The following GHR variants were observed in gnomAD, a reference collection of about 807,000 sequenced individuals.
The protein encoded by GHR is GH receptor.
Under a neutral mutation model 67.1 loss-of-function variants are expected in GHR, and 35 were observed. That is an observed-to-expected ratio of 0.52 (90% CI 0.40 to 0.69). The LOEUF is 0.69. Ranked by LOEUF, GHR falls within the 30% of genes least tolerant of loss-of-function variation. The pLI is 0.00. For synonymous variants in GHR, 272 were observed against 269.1 expected, an observed-to-expected ratio of 1.01 and a Z score of -0.10; for missense variants, 792 against 764.6, an observed-to-expected ratio of 1.04 and a Z score of -0.42.
intron 1 of GHR, among the ~76,000 whole-genome samples, chr5:42,469,303 A>G (rs1744892024): frequency 6.6e-6 from 1 of 152,216 alleles, no homozygotes; most frequent in African/African-American, 2.4e-5. Context: ...ATAGTTGATA[A>G]AGGAGGAAGT....
intron 2 of GHR, among the ~76,000 whole-genome samples, chr5:42,620,858 A>G (rs1198941745): frequency 6.6e-6 from 1 of 152,148 alleles, no homozygotes; most frequent in African/African-American, 2.4e-5. Flanking sequence ...AAAAAGATCT[A>G]TGATAACATT....
At chr5:42,685,396 A>C (rs1757088664) in intron 3 of GHR, among the ~76,000 whole-genome samples, 1 of 152,176 alleles carries the variant, frequency 6.6e-6, no homozygotes, top group Non-Finnish European at 1.5e-5. Flanking sequence ...CAGTGCTGCA[A>C]TAAACATACA....
chr5:42,646,273 T>C (rs2112806363), intron 3 of GHR: 1 of 443,536 alleles, frequency 2.3e-6, no homozygotes, highest in Non-Finnish European at 4.5e-6. Context: ...TGATTACAAA[T>C]GAACCCTGCA....
intron 2 of GHR, among the ~76,000 whole-genome samples, chr5:42,614,120 T>C (rs1476268821): frequency 6.6e-6 from 1 of 152,116 alleles, no homozygotes; most frequent in South Asian, 2.1e-4. Context: ...TTTAGTAAAA[T>C]TAACATCAGA....
chr5:42,578,552 G>A (rs966013873), intron 2 of GHR, among the ~76,000 whole-genome samples: 1 of 152,016 alleles, frequency 6.6e-6, no homozygotes, highest in African/African-American at 2.4e-5. Context: ...AAAGTTATGG[G>A]AACCCCAAGA....
intron 1 of GHR, chr5:42,468,594 T>C: frequency 6.9e-6 from 7 of 1,012,588 alleles, no homozygotes; most frequent in South Asian, 1.5e-5. Flanking sequence ...GTCTCCTCTT[T>C]CCTGTCAACC....
intron 2 of GHR, among the ~76,000 whole-genome samples, chr5:42,599,357 A>ACT (rs71608655): frequency 9.6e-6 from 1 of 103,908 alleles, no homozygotes; most frequent in African/African-American, 4.1e-5. Context: ...CCTACAGCAC[A>ACT]TTTTTTTTTT....
intron 1 of GHR, among the ~76,000 whole-genome samples, chr5:42,482,603 C>T (rs913100418): frequency 7.9e-5 from 12 of 152,112 alleles, no homozygotes; most frequent in African/African-American, 2.2e-4. Context: ...CCCCCAGCCT[C>T]GCTGCCGCCT....
At chr5:42,595,310 T>TCA (rs1752008032) in intron 2 of GHR, among the ~76,000 whole-genome samples, 1 of 152,218 alleles carries the variant, frequency 6.6e-6, no homozygotes, top group Non-Finnish European at 1.5e-5. Flanking sequence ...GTATAATATC[T>TCA]GTGGGAGAAA....
chr5:42,574,215 A>T (rs1048432230), intron 2 of GHR, among the ~76,000 whole-genome samples: 3 of 152,248 alleles, frequency 2.0e-5, no homozygotes, highest in Non-Finnish European at 2.9e-5. Flanking sequence ...AACAGGAGAA[A>T]GACAGTCAGT....
At chr5:42,556,811 C>T (rs1222855868) in intron 1 of GHR, among the ~76,000 whole-genome samples, 1 of 152,158 alleles carries the variant, frequency 6.6e-6, no homozygotes, top group Non-Finnish European at 1.5e-5. Context: ...CAGAATGCTT[C>T]GTTCTTTGAG....
intron 6 of GHR, among the ~76,000 whole-genome samples, chr5:42,705,557 C>A (rs765272542): frequency 2.1e-4 from 32 of 152,044 alleles, no homozygotes; most frequent in Admixed American, 8.5e-4. Context: ...CTTCCTTCCA[C>A]CCACTACCCT....
intron 3 of GHR, among the ~76,000 whole-genome samples, chr5:42,643,015 A>G (rs1754555543): frequency 1.3e-5 from 2 of 152,188 alleles, no homozygotes; most frequent in African/African-American, 4.8e-5. Context: ...CAAGGAGCTC[A>G]ATTATACCTT....
At chr5:42,656,064 A>G (rs1465577666) in intron 3 of GHR, among the ~76,000 whole-genome samples, 1 of 152,148 alleles carries the variant, frequency 6.6e-6, no homozygotes, top group African/African-American at 2.4e-5. Flanking sequence ...TAATCTATCC[A>G]CAAAATCAGT....
At chr5:42,546,601 T>C (rs1263845538) in intron 1 of GHR, among the ~76,000 whole-genome samples, 1 of 152,206 alleles carries the variant, frequency 6.6e-6, no homozygotes, top group African/African-American at 2.4e-5. Context: ...TGGGGATAAC[T>C]AGTAAATATT....
intron 3 of GHR, among the ~76,000 whole-genome samples, chr5:42,662,449 A>G (rs984314550): frequency 6.6e-6 from 1 of 152,202 alleles, no homozygotes; most frequent in Non-Finnish European, 1.5e-5. Flanking sequence ...GGATTAGGAA[A>G]CCCACTCAAA....
chr5:42,548,126 A>G, intron 1 of GHR: 1 of 985,278 alleles, frequency 1.0e-6, no homozygotes, highest in Non-Finnish European at 1.2e-6. Flanking sequence ...TTCAGCAGGC[A>G]GAGCCCAGAG....
intron 3 of GHR, among the ~76,000 whole-genome samples, chr5:42,632,893 GAGA>G (rs1273792406): frequency 6.6e-6 from 1 of 152,178 alleles, no homozygotes; most frequent in Admixed American, 6.5e-5. Flanking sequence ...TATTTCTGGG[GAGA>G]AGAATAGGAA....
chr5:42,527,607 T>C (rs887575770), intron 1 of GHR, among the ~76,000 whole-genome samples: 1 of 152,172 alleles, frequency 6.6e-6, no homozygotes, highest in Admixed American at 6.5e-5. Context: ...CTCACAATAT[T>C]AGTGGGAGAC....
Sources: gnomAD v4.1 joint callset for allele counts (sites outside exome capture counted in the v4.1 genomes callset) on GRCh38, gnomAD v4.1.1 for gene constraint, MANE v1.5 for transcripts, NCBI Gene and HGNC (gene_info 2026-07-23, HGNC 2026-07-21) for gene names.